Variants in KNTC1 observed in about 807,000 individuals in gnomAD.
The protein encoded by KNTC1 is kinetochore-associated protein 1.
A neutral mutation model predicts 314.4 loss-of-function variants in KNTC1; 253 were observed. That is an observed-to-expected ratio of 0.80 (90% CI 0.73 to 0.89). The LOEUF (loss-of-function observed/expected upper bound fraction) is 0.89, where lower values mean the gene tolerates loss of function less well. KNTC1 is among the 40% of genes least tolerant of loss of function. KNTC1 has a pLI of 0.00. For synonymous variants in KNTC1, 901 were observed against 901.4 expected, an observed-to-expected ratio of 1.00 and a Z score of 0.01; for missense variants, 2,475 against 2,572.9, an observed-to-expected ratio of 0.96 and a Z score of 0.82.
intron 18 of KNTC1, 103 bp from the exon 19 acceptor site, chr12:122,561,818 C>A: frequency 1.2e-6 from 1 of 861,562 alleles, no homozygotes; most frequent in Non-Finnish European, 1.8e-6. Context: ...CACTTAAATG[C>A]AATTTATTTA....
At chr12:122,546,348 AT>A in intron 9 of KNTC1, 79 bp downstream of exon 9, 1 of 863,284 alleles carries the variant, frequency 1.2e-6, no homozygotes, top group Non-Finnish European at 1.9e-6. Context: ...AGACTGACAT[AT>A]GGGTCATTTT....
chr12:122,590,726 C>T lies in KNTC1; in HGVS notation c.4119C>T (p.Asp1373=), dbSNP rs761758985. ...KLIDKAWQNY[D]KILAISLVGS... is the part of the protein sequence containing the mutation. ...TAGATAAAGCATGGCAGAATTACGACAAAATCTTGGTATGTCCTAAGGAAG... is the reference window on the plus strand; with the variant it reads ...TAGATAAAGCATGGCAGAATTACGATAAAATCTTGGTATGTCCTAAGGAAG... Residue 1373 remains aspartate (D), a synonymous_variant, in exon 41 of 64, where the codon GAC becomes GAT. Transcript: ENST00000333479. 2.5e-6 allele frequency: 4 copies of T among 1,612,634 alleles called. No individual in the cohort carries two copies. In the East Asian group the frequency reaches 8.9e-5, roughly 36 times the overall value.
At position 122,575,594 on chromosome 12, in the gene KNTC1, A is replaced by C. The variant is rs1242039365; in HGVS notation, c.2434A>C (p.Ser812Arg). The C allele has an allele frequency of 6.3e-7, 1 of 1,599,268 alleles. No homozygotes were observed. The highest frequency in any genetic ancestry group is 1.3e-5 in the African/African-American group (1 of 74,738). The change falls in exon 28 of 64, where the codon AGT (serine) becomes CGT (arginine). Residue 812 changes from serine (S) to arginine (R), a missense_variant. Ser to Arg is a moderately radical substitution (Grantham distance 110). Transcript: ENST00000333479. ...KIMYAAVVPW[S>R]AAVEQLVKQH... The stretch of plus-strand genomic sequence containing the variant: ...CATGTATGCGGCAGTGGTTCCTTGG[A>C]GTGCAGCTGTGGAGCAACTGGTGAA...
intron 13 of KNTC1, among the ~76,000 whole-genome samples, chr12:122,550,718 G>C (rs1347743748): frequency 6.6e-6 from 1 of 152,084 alleles, no homozygotes; most frequent in Non-Finnish European, 1.5e-5. Flanking sequence ...TCCTGGGCTA[G>C]ACTCAAGCTC....
chr12:122,532,206 CTTTTTT>C (rs139344183), intron 2 of KNTC1, among the ~76,000 whole-genome samples: 5 of 99,554 alleles, frequency 5.0e-5, no homozygotes, highest in East Asian at 5.6e-4. Flanking sequence ...GCTAATTTTT[CTTTTTT>C]TTTTTTTTTT....
intron 55 of KNTC1, 88 bp downstream of exon 55, chr12:122,613,849 G>A: frequency 7.4e-7 from 1 of 1,360,092 alleles, no homozygotes; most frequent in Non-Finnish European, 9.7e-7. Flanking sequence ...TTTTGTTGTT[G>A]TTGTTGTTGG....
intron 60 of KNTC1, 118 bp from the exon 61 acceptor site, chr12:122,621,763 T>A (rs1473044636): frequency 3.1e-6 from 2 of 638,488 alleles, no homozygotes; most frequent in African/African-American, 3.7e-5. Flanking sequence ...GTTCAGTGTT[T>A]CAGTATTTAA....
chr12:122,582,747 A>T lies in KNTC1; in HGVS notation c.3025A>T (p.Ser1009Cys). The T allele has an allele frequency of 6.2e-7, 1 of 1,611,934 alleles. No homozygotes were observed. Among genetic ancestry groups the T allele is most frequent in the Non-Finnish European group, 8.5e-7 (1 of 1,179,412 alleles). The change falls in exon 34 of 64, where the codon AGT becomes TGT. Residue 1009 changes from serine to cysteine, a missense_variant. Transcript: ENST00000333479. ...VFLSFEDYSN[S>C]SLVADLREQH... The stretch of plus-strand genomic sequence containing the variant: ...TCTTTCATTTGAAGATTATAGCAAT[A>T]GTTCCCTGGTAGCAGATCTCCGTGA...
chr12:122,567,868 T>A (rs1255537904), intron 20 of KNTC1, among the ~76,000 whole-genome samples: 6 of 152,100 alleles, frequency 3.9e-5, no homozygotes, highest in Non-Finnish European at 8.8e-5. Context: ...TAAACATGCC[T>A]GTAATCCCAT....
intron 63 of KNTC1, among the ~76,000 whole-genome samples, chr12:122,625,573 TCAAAA>T (rs1874942518): frequency 1.9e-5 from 2 of 106,438 alleles, no homozygotes; most frequent in South Asian, 2.8e-4. Context: ...TCTCAAAAAA[TCAAAA>T]CAAAACAAAA....
chr12:122,594,511 A>C, intron 43 of KNTC1, 126 bp downstream of exon 43: 1 of 615,172 alleles, frequency 1.6e-6, no homozygotes, highest in South Asian at 2.0e-5. Context: ...GCTCATTCCC[A>C]AACTGAGTAA....
At chr12:122,547,621 A>C (rs917549055) in intron 11 of KNTC1, 91 bp downstream of exon 11, 8 of 848,922 alleles carry the variant, frequency 9.4e-6, no homozygotes. Context: ...TATGTTTTAC[A>C]TTCTAAACAA....
chr12:122,543,978 G>A (rs1962558808), intron 7 of KNTC1, among the ~76,000 whole-genome samples, 181 bp from the exon 8 acceptor site: 1 of 151,716 alleles, frequency 6.6e-6, no homozygotes, highest in Non-Finnish European at 1.5e-5. Context: ...GAACTCGGGA[G>A]GCAGAGGTTG....
At chr12:122,614,764 C>T (rs1873586634) in intron 55 of KNTC1, among the ~76,000 whole-genome samples, 1 of 151,838 alleles carries the variant, frequency 6.6e-6, no homozygotes, top group Non-Finnish European at 1.5e-5. Flanking sequence ...GCCTGTAATC[C>T]CAGCTACTCG....
chr12:122,557,865 A>G (rs1408754301), intron 18 of KNTC1, among the ~76,000 whole-genome samples, 176 bp downstream of exon 18: 2 of 152,180 alleles, frequency 1.3e-5, no homozygotes, highest in African/African-American at 4.8e-5. Context: ...TCACCTATTT[A>G]AAGTATACAG....
chr12:122,530,442 C>G (rs1040709478), intron 2 of KNTC1, among the ~76,000 whole-genome samples: 1 of 151,126 alleles, frequency 6.6e-6, no homozygotes, highest in Non-Finnish European at 1.5e-5. Context: ...TAAGTTGATA[C>G]AAAGGATATC....
chr12:122,578,555 G>A (rs1426060456), intron 31 of KNTC1, among the ~76,000 whole-genome samples: 1 of 151,968 alleles, frequency 6.6e-6, no homozygotes, highest in East Asian at 1.9e-4. Flanking sequence ...GGAGTAGCTG[G>A]GATTACAGGC....
Position 122,546,251 on chromosome 12 carries a change from G to A in KNTC1, c.745G>A (p.Asp249Asn), listed in dbSNP as rs748610461. The A allele has an allele frequency of 3.8e-6, 6 of 1,578,828 alleles. No individual in the cohort carries two copies. Among genetic ancestry groups the A allele is most frequent in the South Asian group, 2.2e-5 (2 of 89,732 alleles). The change falls in exon 9 of 64, where the codon GAT becomes AAT. Residue 249 changes from aspartate (D) to asparagine (N), a missense_variant. By Grantham distance (23) the Asp-to-Asn change is conservative. Transcript: ENST00000333479. ...KKGMTVKNLI[D>N]AEIIKGAKKF... ...AGGAATGACAGTTAAGAACCTTATT[G>A]ATGCAGAGATTATTAAAGGTAAAAT...
At chr12:122,591,499 G>A (rs1325206022) in intron 42 of KNTC1, 46 bp downstream of exon 42, 2 of 1,000,192 alleles carry the variant, frequency 2.0e-6, no homozygotes, top group African/African-American at 3.2e-5. Flanking sequence ...TAATTACCCG[G>A]TTGGAAAATT....
Sources: allele counts gnomAD v4.1 joint callset (sites outside exome capture counted in the v4.1 genomes callset), GRCh38; gene constraint gnomAD v4.1.1; transcripts MANE v1.5; gene names NCBI Gene and HGNC (gene_info 2026-07-23, HGNC 2026-07-21).